LRBA: variants seen among roughly 807,000 people sequenced by gnomAD.
LRBA encodes lipopolysaccharide-responsive and beige-like anchor protein.
In LRBA, 176 loss-of-function variants were observed where a neutral mutation model predicts 330.0. The ratio of observed to expected loss-of-function variants is 0.53; its 90% CI spans 0.47 to 0.60. LRBA has a LOEUF of 0.60. Ranked by LOEUF, LRBA falls within the 20% of genes least tolerant of loss-of-function variation. LRBA has a pLI of 0.00. For missense variants in LRBA, 3,259 were observed against 3,444.8 expected (o/e 0.95, Z 1.35); for synonymous variants, 1,230 against 1,193.0 (o/e 1.03, Z -0.64).
chr4:150,836,129 C>A (rs530355459), intron 28 of LRBA, among the ~76,000 whole-genome samples: 3 of 152,284 alleles, frequency 2.0e-5, no homozygotes, highest in Non-Finnish European at 4.4e-5. Flanking sequence ...GTTGAACCAG[C>A]CTTGCATCCC....
chr4:150,897,990 T>C lies in LRBA; in HGVS notation c.1925-172A>G, dbSNP rs568656303. On this transcript the variant is annotated intron_variant, in intron 14 of 56. Transcript: ENST00000651943. ...AGAAAGACAAGTGTTTAATCTTACATGCACTGTATACACAATATTTCAAAC... is the reference window on the plus strand; with the variant it reads ...AGAAAGACAAGTGTTTAATCTTACACGCACTGTATACACAATATTTCAAAC... 3.3e-5 allele frequency among the ~76,000 whole-genome samples: 5 copies of C among 152,190 alleles called. No homozygotes were observed. In the East Asian group the frequency reaches 9.6e-4, roughly 29 times the overall value.
At chr4:150,579,077 AGACTTGAAGT>A in intron 40 of LRBA, 1 of 356,598 alleles carries the variant, frequency 2.8e-6, no homozygotes, top group Non-Finnish European at 5.5e-6. Flanking sequence ...ATCGGTCTGA[AGACTTGAAGT>A]GGCTTTTAGC....
chr4:150,544,353 CCT>C (rs1438088243), intron 40 of LRBA, among the ~76,000 whole-genome samples: 1 of 152,096 alleles, frequency 6.6e-6, no homozygotes. Context: ...GTCTCAAACC[CCT>C]GACCTCCAGT....
chr4:150,896,485 G>T, intron 15 of LRBA, 29 bp from the exon 16 acceptor site: 1 of 1,170,692 alleles, frequency 8.5e-7, no homozygotes, highest in Non-Finnish European at 1.2e-6. Context: ...GGTATCTTAC[G>T]TTTACATGTA....
At position 150,632,215 on chromosome 4, in the gene LRBA, AG is replaced by A. The variant is rs1467465417; in HGVS notation, c.5922-33085del. Among the ~76,000 whole-genome samples, 45 of 138,370 alleles carry A rather than the reference AG, an allele frequency of 3.3e-4. No individual in the cohort carries two copies. In the Admixed American group the frequency reaches 3.4e-3, roughly 10 times the overall value. The allele number at this position is 138,370 out of a possible 152,430, so 90.8% of individuals were successfully genotyped here. ...CATTGCACTCCAGCCTGGGAGACAG[AG>A]TGAGACTCTGTCTCAAGGAAAAAAA... On this transcript the variant is annotated intron_variant, in intron 37 of 56. Coordinates refer to ENST00000651943, the MANE Select transcript of LRBA (RefSeq NM_001364905.1).
At chr4:150,928,110 G>T (rs1734075126) in intron 4 of LRBA, among the ~76,000 whole-genome samples, 1 of 152,166 alleles carries the variant, frequency 6.6e-6, no homozygotes. Context: ...CATCTCAAGA[G>T]GGTAGATCCA....
intron 2 of LRBA, among the ~76,000 whole-genome samples, chr4:151,005,712 C>A (rs1481133976): frequency 6.7e-6 from 1 of 148,846 alleles, no homozygotes; most frequent in African/African-American, 2.5e-5. Flanking sequence ...TCAAGCAATT[C>A]TCCTACCTCA....
intron 22 of LRBA, among the ~76,000 whole-genome samples, chr4:150,856,226 A>G (rs1751215222): frequency 6.6e-6 from 1 of 152,192 alleles, no homozygotes; most frequent in South Asian, 2.1e-4. Flanking sequence ...AAGGCAAGCA[A>G]GCTAAGTACT....
In LRBA at chr4:150,867,733, C is replaced by T. The variant is rs1470319864; in HGVS notation, c.2704G>A (p.Val902Ile). Residue 902 changes from valine (V) to isoleucine (I), a missense_variant, in exon 22 of 57, where the codon GTC becomes ATC. Coordinates refer to ENST00000651943, the MANE Select transcript of LRBA (RefSeq NM_001364905.1). ...CGCCAGCCACCCCACTCATATTTGACTGCATGGTAAAGCAGGATTCTGAAT... is the reference window on the plus strand; with the variant it reads ...CGCCAGCCACCCCACTCATATTTGATTGCATGGTAAAGCAGGATTCTGAAT... The part of the protein sequence containing the change: ...AIFRILLYHA[V>I]KYEWGGWRVW... 1 of 1,613,890 alleles carries T rather than the reference C, an allele frequency of 6.2e-7. No individual in the cohort carries two copies. Among genetic ancestry groups the T allele is most frequent in the Non-Finnish European group, 8.5e-7 (1 of 1,179,886 alleles).
chr4:150,714,090 T>G (rs1172554067), intron 36 of LRBA, among the ~76,000 whole-genome samples: 2 of 152,148 alleles, frequency 1.3e-5, no homozygotes, highest in Non-Finnish European at 2.9e-5. Context: ...GTATAGAAAT[T>G]GAGGGAATTT....
intron 47 of LRBA, among the ~76,000 whole-genome samples, chr4:150,401,458 T>C (rs1261706059): frequency 6.6e-6 from 1 of 152,180 alleles, no homozygotes; most frequent in Non-Finnish European, 1.5e-5. Flanking sequence ...AGTCCCAGTT[T>C]CCAAGAACTT....
chr4:150,819,061 A>C (rs989467020), intron 30 of LRBA, among the ~76,000 whole-genome samples: 1 of 152,078 alleles, frequency 6.6e-6, no homozygotes, highest in Non-Finnish European at 1.5e-5. Context: ...TCTAGAATGG[A>C]ATATTATTCA....
rs147873769 is a variant in LRBA at position 150,720,321 on chromosome 4, G to A, written c.5754+14937C>T. Among the ~76,000 whole-genome samples the A allele has an allele frequency of 3.7e-3, 558 of 151,982 alleles. 1 individual carries two copies. Among genetic ancestry groups the A allele is most frequent in the African/African-American group, 0.012 (516 of 41,494 alleles). On this transcript the variant is annotated intron_variant, in intron 36 of 56. Transcript: ENST00000651943. ...ACATCTGATGAAAAAGTATCTCAAG[G>A]AGTAAAAGAAAATTATTCATGATTA...
chr4:150,871,301 TATA>T, intron 19 of LRBA, 41 bp downstream of exon 19: 1 of 1,065,948 alleles, frequency 9.4e-7, no homozygotes, highest in Non-Finnish European at 1.4e-6. Flanking sequence ...GAGGCATTTT[TATA>T]ATAAGAAATT....
At chr4:150,928,805 C>T in intron 3 of LRBA, 29 bp downstream of exon 3, 2 of 1,513,318 alleles carry the variant, frequency 1.3e-6, no homozygotes, top group African/African-American at 1.4e-5. Flanking sequence ...TATTTCTTTG[C>T]ATATATTGTA....
At chr4:150,378,130 AATAG>A (rs1741639509) in intron 47 of LRBA, among the ~76,000 whole-genome samples, 1 of 152,160 alleles carries the variant, frequency 6.6e-6, no homozygotes, top group African/African-American at 2.4e-5. Context: ...ATCAGACGTA[AATAG>A]ATATTTTACT....
intron 4 of LRBA, among the ~76,000 whole-genome samples, chr4:150,921,530 C>T (rs1024494338): frequency 3.3e-5 from 5 of 152,078 alleles, no homozygotes; most frequent in African/African-American, 1.2e-4. Flanking sequence ...TATCATTAGA[C>T]ACCTGAAACT....
intron 2 of LRBA, among the ~76,000 whole-genome samples, chr4:151,007,374 A>G (rs1744197863): frequency 6.6e-6 from 1 of 151,912 alleles, no homozygotes; most frequent in South Asian, 2.1e-4. Context: ...GCCTGGTGGC[A>G]GGCACCTATA....
At chr4:150,694,295 T>A (rs1386124182) in intron 36 of LRBA, among the ~76,000 whole-genome samples, 1 of 151,966 alleles carries the variant, frequency 6.6e-6, no homozygotes, top group African/African-American at 2.4e-5. Flanking sequence ...AGTGTAGTAC[T>A]TTCCTTCTCA....
Sources: gnomAD v4.1 joint callset for allele counts (sites outside exome capture counted in the v4.1 genomes callset) on GRCh38, gnomAD v4.1.1 for gene constraint, MANE v1.5 for transcripts, NCBI Gene and HGNC (gene_info 2026-07-23, HGNC 2026-07-21) for gene names.